The following MICALL1 variants were observed in gnomAD, a reference collection of about 807,000 sequenced individuals.
MICALL1 encodes the protein MICAL-like protein 1.
A neutral mutation model predicts 83.7 loss-of-function variants in MICALL1; 61 were observed. That is an observed-to-expected ratio of 0.73 (90% confidence interval 0.59 to 0.90). MICALL1 has a LOEUF of 0.90. Ranked by LOEUF, MICALL1 falls within the 40% of genes least tolerant of loss-of-function variation. The pLI, the probability that MICALL1 is intolerant of heterozygous loss-of-function variation, is 0.00. For synonymous variants in MICALL1, 481 were observed against 473.6 expected (o/e 1.02, Z -0.20); for missense variants, 1,066 against 1,152.0 (o/e 0.93, Z 1.08).
At position 37,913,936 on chromosome 22, in the gene MICALL1, C is replaced by T. The variant is rs372236302; in HGVS notation, c.337+1444C>T. On this transcript the variant is annotated intron_variant, in intron 3 of 15. Transcript: ENST00000215957. ...TGTTGCCTAGGCTGGAGTGCGATGGCGCGATCTCGGCTTACTGCAACCTCT... is the reference window on the plus strand; with the variant it reads ...TGTTGCCTAGGCTGGAGTGCGATGGTGCGATCTCGGCTTACTGCAACCTCT... Among the ~76,000 whole-genome samples the T allele has an allele frequency of 3.5e-4, 51 of 147,804 alleles. 1 individual carries two copies. In the East Asian group the frequency reaches 4.1e-3, roughly 12 times the overall value.
At chr22:37,939,152 TC>T (rs1254945438) in intron 15 of MICALL1, among the ~76,000 whole-genome samples, 2 of 152,208 alleles carry the variant, frequency 1.3e-5, no homozygotes, top group African/African-American at 4.8e-5. Flanking sequence ...TGAGTTCTAG[TC>T]CCAGCTCTGG....
In MICALL1 at chr22:37,941,133, G is replaced by A. The variant is rs559758673; in HGVS notation, c.*303G>A. On this transcript the variant is annotated 3_prime_UTR_variant, in exon 16 of 16. Transcript: ENST00000215957. Reference sequence around the variant, plus strand: ...AGGGTCCCAGGGTCCAGGGAGGGGCGCCTGCTGAGCACTTCCGCCCCTCAC... The same window carrying A: ...AGGGTCCCAGGGTCCAGGGAGGGGCACCTGCTGAGCACTTCCGCCCCTCAC... 8 of 265,214 alleles carry A rather than the reference G, an allele frequency of 3.0e-5. No individual in the cohort carries two copies. The East Asian group carries it at 4.1e-4, about 14-fold the overall frequency. 16.4% of individuals were successfully genotyped at this position (265,214 alleles called of 1,614,324 possible). A position where few individuals can be genotyped will look rare whatever the true frequency, so the allele number is the denominator to read the frequency against.
In MICALL1 at chr22:37,919,986, CA is replaced by C. The variant is rs200007951; in HGVS notation, c.569+818del. ...TGGGCGACAGAACGAGACTCTGTCT[CA>C]AAAAAAAAATCTTTTTTTCTTTTAA... is the stretch of plus-strand genomic sequence containing the variant. On this transcript the variant is annotated intron_variant, in intron 5 of 15. Coordinates refer to ENST00000215957, the MANE Select transcript of MICALL1 (RefSeq NM_033386.4). Among the ~76,000 whole-genome samples, 202 of 148,880 alleles carry C rather than the reference CA, an allele frequency of 1.4e-3. 1 individual carries two copies. Among genetic ancestry groups the C allele is most frequent in the Non-Finnish European group, 2.4e-3 (160 of 67,108 alleles).
intron 5 of MICALL1, among the ~76,000 whole-genome samples, chr22:37,920,143 C>T (rs536872706): frequency 4.1e-4 from 62 of 151,992 alleles, no homozygotes; most frequent in Non-Finnish European, 7.9e-4. Flanking sequence ...TAAAAAATTA[C>T]AGTAACAACT....
intron 15 of MICALL1, among the ~76,000 whole-genome samples, chr22:37,939,361 T>TC (rs1930306021): frequency 6.6e-6 from 1 of 152,212 alleles, no homozygotes; most frequent in African/African-American, 2.4e-5. Flanking sequence ...GGCCTACATT[T>TC]TCCTTGTCTA....
intron 3 of MICALL1, among the ~76,000 whole-genome samples, chr22:37,915,938 C>T (rs992682723): frequency 4.6e-5 from 7 of 152,216 alleles, no homozygotes; most frequent in African/African-American, 1.2e-4. Context: ...TGAGCCACTG[C>T]GCCCAGCCAA....
chr22:37,925,746 A>AGAAGCCCGGGGCCACCAAGCC lies in MICALL1; in HGVS notation c.1169_1170insAAGCCCGGGGCCACCAAGCCG (p.Ser390delinsArgSerProGlyProProSerArg). Reference sequence around the variant, plus strand: ...GAAGCCAGCCCCACTTCCCCCAAGCAGCAGCCCGGGGCCACCAAGCCAGGA... The same window carrying AGAAGCCCGGGGCCACCAAGCC: ...GAAGCCAGCCCCACTTCCCCCAAGCAGAAGCCCGGGGCCACCAAGCCGCAGCCCGGGGCCACCAAGCCAGGA... On this transcript the variant is annotated protein_altering_variant, in exon 8 of 16. Transcript: ENST00000215957. 1 of 1,612,396 alleles carries AGAAGCCCGGGGCCACCAAGCC rather than the reference A, an allele frequency of 6.2e-7. No individual in the cohort carries two copies. The highest frequency in any genetic ancestry group is 1.1e-5 in the South Asian group (1 of 91,006).
intron 5 of MICALL1, among the ~76,000 whole-genome samples, chr22:37,920,280 G>C (rs1928942789): frequency 6.6e-6 from 1 of 152,090 alleles, no homozygotes; most frequent in Non-Finnish European, 1.5e-5. Flanking sequence ...AACCAAAAGA[G>C]GAAATTGAAC....
intron 6 of MICALL1, among the ~76,000 whole-genome samples, chr22:37,923,345 G>C (rs1457398112): frequency 1.3e-5 from 2 of 151,956 alleles, no homozygotes; most frequent in Admixed American, 6.6e-5. Context: ...TCCTGCCTCA[G>C]CCTTCCAAGT....
At chr22:37,921,933 C>A in intron 5 of MICALL1, 39 bp from the exon 6 acceptor site, 1 of 1,510,088 alleles carries the variant, frequency 6.6e-7, no homozygotes, top group Non-Finnish European at 8.9e-7. Context: ...CTGGGCCCAG[C>A]TGCCTGGCTA....
intron 1 of MICALL1, among the ~76,000 whole-genome samples, chr22:37,907,897 G>A (rs946234210): frequency 1.7e-4 from 26 of 152,236 alleles, no homozygotes; most frequent in African/African-American, 9.6e-5. Flanking sequence ...TTGCCCAGGA[G>A]CAGGGGGTAG....
chr22:37,922,235 C>T lies in MICALL1; in HGVS notation c.833C>T (p.Pro278Leu), dbSNP rs747815893. The T allele has an allele frequency of 6.9e-6, 11 of 1,604,932 alleles. No individual in the cohort carries two copies. The highest frequency in any genetic ancestry group is 2.2e-5 in the East Asian group (1 of 44,538). Reference protein sequence around the residue: ...DGPKASPEARPQIPTKPRVPG... With the variant: ...DGPKASPEARLQIPTKPRVPG... ...CCCAAGGCCAGCCCTGAGGCCCGGC[C>T]GCAGATCCCTACCAAGCCCCGGGTT... Residue 278 changes from proline (P) to leucine (L), a missense_variant, in exon 6 of 16, where the codon CCG becomes CTG. Transcript: ENST00000215957.
rs375161285 is a variant in MICALL1, at chr22:37,925,650, C to T, written c.1083-11C>T. 307 of 1,588,934 alleles carry T rather than the reference C, an allele frequency of 1.9e-4. 1 individual carries two copies. The Middle Eastern group carries it at 2.2e-3, about 11-fold the overall frequency. ...CTGCTAATGGTTTCTGCTGCTTCCCCCCTCCTCCAGGACACCAGCCCCCAG... is the reference window on the plus strand; with the variant it reads ...CTGCTAATGGTTTCTGCTGCTTCCCTCCTCCTCCAGGACACCAGCCCCCAG... On this transcript the variant is annotated splice_polypyrimidine_tract_variant and intron_variant, in intron 7 of 15. Transcript: ENST00000215957.
rs371352630 is a variant in MICALL1 at position 37,927,523 on chromosome 22, G to A, written c.1578G>A (p.Glu526=). ...SESASQTAGA[E]LLEPPAVPKS... is the part of the protein sequence containing the mutation. The stretch of plus-strand genomic sequence containing the variant: ...GCGCCAGCCAGACTGCAGGTGCAGA[G>A]CTTCTGGAGCCGCCAGCTGTGCCCA... The change falls in exon 9 of 16, where the codon GAG becomes GAA. Residue 526 remains glutamate, a synonymous_variant. Coordinates refer to ENST00000215957, the MANE Select transcript of MICALL1 (RefSeq NM_033386.4). The A allele has an allele frequency of 8.1e-6, 13 of 1,613,314 alleles. No individual in the cohort carries two copies. The highest frequency in any genetic ancestry group is 1.7e-5 in the Admixed American group (1 of 60,006).
chr22:37,935,592 A>T (rs1242006907), intron 13 of MICALL1, among the ~76,000 whole-genome samples: 1 of 150,666 alleles, frequency 6.6e-6, no homozygotes, highest in Non-Finnish European at 1.5e-5. Flanking sequence ...TCACTGTGAC[A>T]TCCAGGCTGA....
chr22:37,922,108 C>G lies in MICALL1; in HGVS notation c.706C>G (p.Gln236Glu). The stretch of plus-strand genomic sequence containing the variant: ...GGGGACCAGGCCTGGGCCCTTCTCA[C>G]AGCCAAAGCAGCAGCACCAGCAGCA... ...RSGTRPGPFS[Q>E]PKQQHQQQLA... The change falls in exon 6 of 16, where the codon CAG becomes GAG. Residue 236 changes from glutamine (Q) to glutamate (E), a missense_variant. Transcript: ENST00000215957. 6.2e-7 allele frequency: 1 copy of G among 1,613,300 alleles called. No individual in the cohort carries two copies. The highest frequency in any genetic ancestry group is 1.1e-5 in the South Asian group (1 of 91,084).
At chr22:37,933,609 T>C (rs1299521635) in intron 13 of MICALL1, among the ~76,000 whole-genome samples, 2 of 152,176 alleles carry the variant, frequency 1.3e-5, no homozygotes, top group East Asian at 3.9e-4. Flanking sequence ...GAAGGGCTGA[T>C]GGCTGATGGT....
chr22:37,935,544 C>G (rs1212255233), intron 13 of MICALL1, among the ~76,000 whole-genome samples: 1 of 151,982 alleles, frequency 6.6e-6, no homozygotes, highest in Non-Finnish European at 1.5e-5. Context: ...CAGGCGTGAG[C>G]CACCGCACCC....
intron 1 of MICALL1, among the ~76,000 whole-genome samples, chr22:37,910,121 C>T (rs1302524555): frequency 6.6e-6 from 1 of 152,230 alleles, no homozygotes; most frequent in African/African-American, 2.4e-5. Context: ...TCTGAAGACT[C>T]TCAGAAAATA....
Sources: allele counts gnomAD v4.1 joint callset (sites outside exome capture counted in the v4.1 genomes callset), GRCh38; gene constraint gnomAD v4.1.1; transcripts MANE v1.5; gene names NCBI Gene and HGNC (gene_info 2026-07-23, HGNC 2026-07-21).